The following GEN1 variants were observed in gnomAD, a reference collection of about 807,000 sequenced individuals.
GEN1 encodes the protein flap endonuclease GEN homolog 1.
Under a neutral mutation model 67.6 loss-of-function variants are expected in GEN1, and 64 were observed. The ratio of observed to expected loss-of-function variants is 0.95; its 90% CI spans 0.77 to 1.17. The LOEUF (loss-of-function observed/expected upper bound fraction) is 1.17. Ranked by LOEUF, GEN1 falls within the 50% of genes most tolerant of loss-of-function variation. The probability of loss-of-function intolerance (pLI) is 0.00; values close to 1 mark genes in which losing one functional copy is unlikely to be tolerated. For missense variants in GEN1, 1,058 were observed against 1,048.3 expected, an observed-to-expected ratio of 1.01 and a Z score of -0.13; for synonymous variants, 371 against 359.4, an observed-to-expected ratio of 1.03 and a Z score of -0.37.
In GEN1 at chr2:17,778,309, TATATACACACACAC is replaced by T. The variant is rs1488654202; in HGVS notation, c.1264+247_1264+260del. Among the ~76,000 whole-genome samples, 203 of 64,114 alleles carry T rather than the reference TATATACACACACAC, an allele frequency of 3.2e-3. 19 individuals are homozygous for T. The highest frequency in any genetic ancestry group is 0.011 in the African/African-American group (153 of 13,678). 42.1% of individuals were successfully genotyped at this position (64,114 alleles called of 152,430 possible). ...ACACACATGTGTGTGTACATATATG[TATATACACACACAC>T]GTGTACATATATGTATACACACACA... On this transcript the variant is annotated intron_variant, in intron 12 of 13. Coordinates refer to ENST00000381254, the MANE Select transcript of GEN1 (RefSeq NM_001130009.3).
At chr2:17,776,945 C>T (rs950214325) in intron 11 of GEN1, among the ~76,000 whole-genome samples, 2 of 151,922 alleles carry the variant, frequency 1.3e-5, no homozygotes, top group African/African-American at 2.4e-5. Flanking sequence ...GCCAACATAG[C>T]GAAAACACCT....
intron 1 of GEN1, among the ~76,000 whole-genome samples, chr2:17,758,978 G>A (rs1671551709): frequency 6.6e-6 from 1 of 152,156 alleles, no homozygotes; most frequent in Non-Finnish European, 1.5e-5. Flanking sequence ...TGCACCCATG[G>A]GCAATTTGAG....
intron 12 of GEN1, among the ~76,000 whole-genome samples, chr2:17,778,398 GTATA>G (rs368871666): frequency 3.0e-4 from 7 of 23,274 alleles, no homozygotes; most frequent in Admixed American, 1.6e-3. Flanking sequence ...GTACATATAT[GTATA>G]TACACACATA....
chr2:17,769,731 T>A (rs1156786164), intron 6 of GEN1, among the ~76,000 whole-genome samples: 1 of 152,124 alleles, frequency 6.6e-6, no homozygotes, highest in African/African-American at 2.4e-5. Context: ...TATATAGAAG[T>A]TAACAAACTA....
chr2:17,759,840 C>T (rs878940800), intron 1 of GEN1, 89 bp from the exon 2 acceptor site: 2 of 1,137,718 alleles, frequency 1.8e-6, no homozygotes, highest in Admixed American at 2.1e-5. Flanking sequence ...ATGAATTATC[C>T]TGAACTGGCT....
intron 1 of GEN1, among the ~76,000 whole-genome samples, chr2:17,758,459 T>C (rs558562083): frequency 6.6e-6 from 1 of 152,224 alleles, no homozygotes; most frequent in Non-Finnish European, 1.5e-5. Flanking sequence ...ATAATGACTT[T>C]GAGAATATTT....
intron 11 of GEN1, among the ~76,000 whole-genome samples, chr2:17,775,120 AG>A (rs1260460332): frequency 1.3e-5 from 2 of 152,190 alleles, no homozygotes; most frequent in South Asian, 2.1e-4. Context: ...GTTTTATGCA[AG>A]GGGTGGGTGT....
Position 17,786,422 on chromosome 2 carries a change from A to C in GEN1, c.*4483A>C, listed in dbSNP as rs1191398407. 6.6e-6 allele frequency: 1 copy of C among 152,226 alleles called. No individual in the cohort carries two copies. Among genetic ancestry groups the C allele is most frequent in the African/African-American group, 2.4e-5 (1 of 41,464 alleles). 9.4% of individuals were successfully genotyped at this position (152,226 alleles called of 1,614,324 possible). A position where few individuals can be genotyped will look rare whatever the true frequency, so the allele number is the denominator to read the frequency against. The stretch of plus-strand genomic sequence containing the variant: ...CTAACGTGGCATTTGAGCTACTGGA[A>C]AAAAATTGTGCTTGCTTAAATATAA... On this transcript the variant is annotated 3_prime_UTR_variant, in exon 14 of 14. Coordinates refer to ENST00000381254, the MANE Select transcript of GEN1 (RefSeq NM_001130009.3).
chr2:17,773,510 T>A (rs1672288991), intron 10 of GEN1, among the ~76,000 whole-genome samples: 1 of 152,100 alleles, frequency 6.6e-6, no homozygotes, highest in African/African-American at 2.4e-5. Context: ...TTTTAGAAGA[T>A]GCCTTAATTA....
intron 3 of GEN1, among the ~76,000 whole-genome samples, chr2:17,764,283 C>G (rs1244039035): frequency 6.6e-6 from 1 of 152,108 alleles, no homozygotes; most frequent in Non-Finnish European, 1.5e-5. Context: ...AAATTCAAGC[C>G]AAAACTGTAT....
At chr2:17,771,833 C>A (rs552374402) in intron 7 of GEN1, among the ~76,000 whole-genome samples, 1 of 150,398 alleles carries the variant, frequency 6.6e-6, no homozygotes, top group South Asian at 2.1e-4. Context: ...ATCAGAAAGG[C>A]CTTTCATTCC....
At chr2:17,762,717 C>G (rs1392212610) in intron 3 of GEN1, among the ~76,000 whole-genome samples, 1 of 152,000 alleles carries the variant, frequency 6.6e-6, no homozygotes, top group African/African-American at 2.4e-5. Context: ...TTTAGTTTTT[C>G]TCTACTATAC....
chr2:17,769,860 GAAACTTA>G (rs1431220083), intron 6 of GEN1, among the ~76,000 whole-genome samples: 1 of 152,012 alleles, frequency 6.6e-6, no homozygotes, highest in East Asian at 1.9e-4. Context: ...AGGACACTGG[GAAACTTA>G]AAACAGTCTT....
rs1673083328 is a variant in GEN1 at position 17,787,098 on chromosome 2, T to C, written c.*5159T>C. 1 of 152,262 alleles carries C rather than the reference T, an allele frequency of 6.6e-6. No individual in the cohort carries two copies. The highest frequency in any genetic ancestry group is 2.4e-5 in the African/African-American group (1 of 41,462). The allele number at this position is 152,262 out of a possible 1,614,324, so 9.4% of individuals were successfully genotyped here. A position where few individuals can be genotyped will look rare whatever the true frequency, so the allele number is the denominator to read the frequency against. ...GCCTGAAATGCTTGCTGCTTCCTTA[T>C]TGGCTAGATAAACCTCATCTATTAA... On this transcript the variant is annotated 3_prime_UTR_variant, in exon 14 of 14. Coordinates refer to ENST00000381254, the MANE Select transcript of GEN1 (RefSeq NM_001130009.3).
chr2:17,773,157 T>C, intron 9 of GEN1, 25 bp downstream of exon 9: 1 of 1,562,000 alleles, frequency 6.4e-7, no homozygotes, highest in Non-Finnish European at 8.8e-7. Flanking sequence ...TTCAACTCTA[T>C]TAATTTTAGA....
intron 7 of GEN1, 38 bp from the exon 8 acceptor site, chr2:17,772,596 G>A (rs1672241453): frequency 1.3e-6 from 2 of 1,554,594 alleles, no homozygotes; most frequent in Non-Finnish European, 1.7e-6. Flanking sequence ...AATTATAAAA[G>A]GCAAAAAATA....
chr2:17,784,146 A>T lies in GEN1; in HGVS notation c.*2207A>T, dbSNP rs149968443. ...TATAAAGAACTCGTAACTCAATTAT[A>T]AAAAGACAACTTTGAAATGGGCAAA... On this transcript the variant is annotated 3_prime_UTR_variant, in exon 14 of 14. Coordinates refer to ENST00000381254, the MANE Select transcript of GEN1 (RefSeq NM_001130009.3). 288 of 152,374 alleles carry T rather than the reference A, an allele frequency of 1.9e-3. No individual in the cohort carries two copies. Among genetic ancestry groups the T allele is most frequent in the African/African-American group, 6.5e-3 (272 of 41,592 alleles). The allele number at this position is 152,374 out of a possible 1,614,324, so 9.4% of individuals were successfully genotyped here.
rs1558408861 is a variant in GEN1 at position 17,778,241 on chromosome 2, CAT to C, written c.1264+183_1264+184del. ...GTATACACACACATATATGTGTGTA[CAT>C]ATATGTATACACACATATGTGTGTA... is the stretch of plus-strand genomic sequence containing the variant. On this transcript the variant is annotated intron_variant, in intron 12 of 13. Coordinates refer to ENST00000381254, the MANE Select transcript of GEN1 (RefSeq NM_001130009.3). 6.4e-4 allele frequency among the ~76,000 whole-genome samples: 82 copies of C among 129,132 alleles called. 20 individuals carry two copies. Among genetic ancestry groups the C allele is most frequent in the African/African-American group, 2.4e-3 (80 of 33,388 alleles). 84.7% of individuals were successfully genotyped at this position (129,132 alleles called of 152,430 possible). A position where few individuals can be genotyped will look rare whatever the true frequency, so the allele number is the denominator to read the frequency against.
rs961299541 is a variant in GEN1, at chr2:17,782,982, T to G, written c.*1043T>G. 1 of 152,178 alleles carries G rather than the reference T, an allele frequency of 6.6e-6. No individual in the cohort carries two copies. Among genetic ancestry groups the G allele is most frequent in the Non-Finnish European group, 1.5e-5 (1 of 68,036 alleles). The allele number at this position is 152,178 out of a possible 1,614,324, so 9.4% of individuals were successfully genotyped here. ...AATTCTAAGAAATCCACTAGAAAAC[T>G]ATTAAAACTGATAAAGCGAGTTCAT... On this transcript the variant is annotated 3_prime_UTR_variant, in exon 14 of 14. Transcript: ENST00000381254.
Sources: allele counts gnomAD v4.1 joint callset (sites outside exome capture counted in the v4.1 genomes callset), GRCh38; gene constraint gnomAD v4.1.1; transcripts MANE v1.5; gene names NCBI Gene and HGNC (gene_info 2026-07-23, HGNC 2026-07-21).